Variants in TMC3 observed in about 807,000 individuals in gnomAD.
TMC3 encodes the protein transmembrane channel-like protein 3.
A neutral mutation model predicts 110.6 loss-of-function variants in TMC3; 98 were observed. The observed-to-expected ratio is 0.89, with a 90% confidence interval of 0.75 to 1.05. The LOEUF is 1.05. Ranked by LOEUF, TMC3 falls within the 50% of genes least tolerant of loss-of-function variation. The pLI is 0.00. For missense variants in TMC3, 1,319 were observed against 1,373.2 expected, an observed-to-expected ratio of 0.96 and a Z score of 0.62; for synonymous variants, 489 against 513.1, an observed-to-expected ratio of 0.95 and a Z score of 0.63.
At chr15:81,371,586 C>G (rs915528457) in intron 2 of TMC3, among the ~76,000 whole-genome samples, 4 of 152,230 alleles carry the variant, frequency 2.6e-5, no homozygotes, top group African/African-American at 7.2e-5. Flanking sequence ...GAAGGCAACT[C>G]TGCTAACTCC....
intron 16 of TMC3, among the ~76,000 whole-genome samples, chr15:81,340,038 G>A (rs4362348): frequency 0.035 from 5,323 of 152,290 alleles, 140 homozygotes; most frequent in East Asian, 0.15. Flanking sequence ...ACCTGATTAA[G>A]CCCCGGTCCC....
Position 81,338,643 on chromosome 15 carries a change from T to C in TMC3, c.2081+12A>G. 6.2e-7 allele frequency: 1 copy of C among 1,613,564 alleles called. No homozygotes were observed. Among genetic ancestry groups the C allele is most frequent in the Non-Finnish European group, 8.5e-7 (1 of 1,179,720 alleles). On this transcript the variant is annotated intron_variant, in intron 18 of 21. Coordinates refer to ENST00000359440, the MANE Select transcript of TMC3 (RefSeq NM_001080532.3). ...CAGAAGTCCCTCCAAAGCTGGCAGG[T>C]GTGGTACTCACAAAAGCAGGAGTAC...
rs1893736721 is a variant in TMC3, at chr15:81,342,550, C to T, written c.1715+728G>A. The stretch of plus-strand genomic sequence containing the variant: ...ATACTGTATTTGTAAAGATATTTTG[C>T]AAAATACAGTGGCTCTAAGAATTTG... On this transcript the variant is annotated intron_variant, in intron 15 of 21. Transcript: ENST00000359440. Among the ~76,000 whole-genome samples, 3 of 152,154 alleles carry T rather than the reference C, an allele frequency of 2.0e-5. No individual in the cohort carries two copies. In the South Asian group the frequency reaches 6.2e-4, roughly 32 times the overall value.
chr15:81,345,085 G>C, intron 12 of TMC3, 74 bp from the exon 13 acceptor site: 1 of 1,516,656 alleles, frequency 6.6e-7, no homozygotes, highest in Non-Finnish European at 8.8e-7. Context: ...TTGTAAATGA[G>C]AATCCATCAT....
chr15:81,344,736 A>G, intron 13 of TMC3, 30 bp downstream of exon 13: 1 of 1,608,946 alleles, frequency 6.2e-7, no homozygotes, highest in African/African-American at 1.3e-5. Context: ...GATGGATATG[A>G]CAGAGCTTTG....
rs8031046 is a variant in TMC3 at position 81,332,687 on chromosome 15, C to T, written c.3035G>A (p.Arg1012Lys). ...TTGGAAATTCCGGGATCGTGGCTTTCTGGGCACATAGGCTGGCCTCTCAAG... is the reference window on the plus strand; with the variant it reads ...TTGGAAATTCCGGGATCGTGGCTTTTTGGGCACATAGGCTGGCCTCTCAAG... ...GHLERPAYVP[R>K]KPRSRNFQYP... The change falls in exon 22 of 22, where the codon AGA becomes AAA. Residue 1012 changes from arginine (R) to lysine (K), a missense_variant. By Grantham distance (26) the Arg-to-Lys change is conservative. Transcript: ENST00000359440. 0.072 allele frequency: 116,236 copies of T among 1,613,774 alleles called. 9,826 individuals carry two copies. Among genetic ancestry groups the T allele is most frequent in the African/African-American group, 0.43 (32,499 of 74,860 alleles).
In TMC3 at chr15:81,343,270, A is replaced by T; in HGVS notation, c.1715+8T>A. On this transcript the variant is annotated splice_region_variant and intron_variant, in intron 15 of 21. Transcript: ENST00000359440. ...TAAGCAAAGGCAAGAAGAAACTTTG[A>T]TACCTACCAAATCATTCCTTGGTTG... 1 of 1,592,158 alleles carries T rather than the reference A, an allele frequency of 6.3e-7. No homozygotes were observed. Among genetic ancestry groups the T allele is most frequent in the Non-Finnish European group, 8.6e-7 (1 of 1,160,018 alleles).
chr15:81,365,986 T>TATGTATGTATACATTTATCATTATAC (rs1301897644), intron 3 of TMC3, among the ~76,000 whole-genome samples: 1 of 152,196 alleles, frequency 6.6e-6, no homozygotes, highest in Non-Finnish European at 1.5e-5. Flanking sequence ...TATACATACA[T>TATGTATGTATACATTTATCATTATAC]ATGTATGTAT....
chr15:81,344,165 T>C lies in TMC3; in HGVS notation c.1519-120A>G, dbSNP rs1381073478. On this transcript the variant is annotated intron_variant, in intron 13 of 21. Coordinates refer to ENST00000359440, the MANE Select transcript of TMC3 (RefSeq NM_001080532.3). Reference sequence around the variant, plus strand: ...GGCCCCAGCCAGTGGGCCCCTCCAATGGCATCTTCATTTCTCATCTTTGTA... The same window carrying C: ...GGCCCCAGCCAGTGGGCCCCTCCAACGGCATCTTCATTTCTCATCTTTGTA... 1.4e-5 allele frequency: 14 copies of C among 1,016,964 alleles called. No homozygotes were observed. In the Admixed American group the frequency reaches 2.8e-4, roughly 20 times the overall value. The allele number at this position is 1,016,964 out of a possible 1,614,324, so 63.0% of individuals were successfully genotyped here.
rs371870349 is a variant in TMC3, at chr15:81,345,029, G to C, written c.1273-18C>G. On this transcript the variant is annotated intron_variant, in intron 12 of 21. Transcript: ENST00000359440. The stretch of plus-strand genomic sequence containing the variant: ...GCCATTTCCTGGGGAGAGAGAGAGA[G>C]AGAGAGAGGGAAGCAGGGGAGAAAG... The C allele has an allele frequency of 2.5e-4, 396 of 1,555,270 alleles. No individual in the cohort carries two copies. In the African/African-American group the frequency reaches 4.7e-3, roughly 18 times the overall value.
intron 3 of TMC3, among the ~76,000 whole-genome samples, chr15:81,364,713 AT>A (rs1403874154): frequency 0.019 from 2,703 of 145,902 alleles, 35 homozygotes; most frequent in Middle Eastern, 0.051. Flanking sequence ...AAAAAAAAAA[AT>A]AAAAAATAAA....
chr15:81,346,693 T>G (rs148773849), intron 11 of TMC3, among the ~76,000 whole-genome samples: 1 of 152,326 alleles, frequency 6.6e-6, no homozygotes, highest in African/African-American at 2.4e-5. Context: ...CATCCTTGGA[T>G]CTGTACTTTA....
intron 4 of TMC3, among the ~76,000 whole-genome samples, chr15:81,361,587 G>A (rs1300307190): frequency 6.6e-6 from 1 of 151,780 alleles, no homozygotes; most frequent in Non-Finnish European, 1.5e-5. Flanking sequence ...TGATCATTTT[G>A]TTAAATACTT....
At position 81,333,054 on chromosome 15, in the gene TMC3, T is replaced by C; in HGVS notation, c.2668A>G (p.Ile890Val). 6.2e-7 allele frequency: 1 copy of C among 1,614,006 alleles called. No homozygotes were observed. Among genetic ancestry groups the C allele is most frequent in the Non-Finnish European group, 8.5e-7 (1 of 1,179,886 alleles). ...PRPHAPRYYV[I>V]NECDSYKKKH... is the part of the protein sequence containing the mutation. Reference sequence around the variant, plus strand: ...TTCTTGTAAGAGTCACATTCATTAATGACATAGTATCTGGGGGCGTGGGGC... The same window carrying C: ...TTCTTGTAAGAGTCACATTCATTAACGACATAGTATCTGGGGGCGTGGGGC... Residue 890 changes from isoleucine (I) to valine (V), a missense_variant, in exon 22 of 22, where the codon ATT becomes GTT. Physicochemically the swap from Ile to Val is conservative, Grantham distance 29 (BLOSUM62 3). Coordinates refer to ENST00000359440, the MANE Select transcript of TMC3 (RefSeq NM_001080532.3).
rs1388320491 is a variant in TMC3 at position 81,334,809 on chromosome 15, G to A, written c.2370C>T (p.Ser790=). Residue 790 remains serine, a synonymous_variant, in exon 21 of 22, where the codon TCC becomes TCT. Coordinates refer to ENST00000359440, the MANE Select transcript of TMC3 (RefSeq NM_001080532.3). ...CCCCTGGCCTCGGGCTCTGGGGCAT[G>A]GACTGTGCGACTGTCTCTATCCTGC... The part of the protein sequence containing the change: ...KSGRIETVAQ[S]MPQSPRPGDR... The A allele has an allele frequency of 6.2e-7, 1 of 1,613,890 alleles. No homozygotes were observed. The highest frequency in any genetic ancestry group is 1.3e-5 in the African/African-American group (1 of 74,916).
At chr15:81,350,107 T>G (rs1391159587) in intron 10 of TMC3, among the ~76,000 whole-genome samples, 1 of 148,056 alleles carries the variant, frequency 6.8e-6, no homozygotes. Flanking sequence ...AAGTGGCACA[T>G]GCCTATGGTC....
In TMC3 at chr15:81,358,485, G is replaced by A. The variant is rs761923095; in HGVS notation, c.517C>T (p.Pro173Ser). 6.2e-7 allele frequency: 1 copy of A among 1,612,004 alleles called. No individual in the cohort carries two copies. Among genetic ancestry groups the A allele is most frequent in the South Asian group, 1.1e-5 (1 of 90,802 alleles). ...IVIPELIAGQ[P>S]FGSTARKTIP... ...GTCTTCCTGGCTGTGCTTCCAAAGG[G>A]CTGGCCTGCAATCAGCTGGTGAGAG... Residue 173 changes from proline (P) to serine (S), a missense_variant, in exon 6 of 22, where the codon CCC (proline) becomes TCC (serine). Physicochemically the swap from Pro to Ser is moderately conservative, Grantham distance 74. Transcript: ENST00000359440.
intron 3 of TMC3, among the ~76,000 whole-genome samples, chr15:81,366,006 A>G (rs1228355284): frequency 6.6e-6 from 1 of 152,184 alleles, no homozygotes; most frequent in Non-Finnish European, 1.5e-5. Flanking sequence ...TACATTTATC[A>G]TTATACATGT....
intron 13 of TMC3, 30 bp from the exon 14 acceptor site, chr15:81,344,075 C>T: frequency 6.3e-7 from 1 of 1,593,630 alleles, no homozygotes; most frequent in Non-Finnish European, 8.5e-7. Flanking sequence ...TGGATGCCAC[C>T]ATGCCCCACC....
Sources: gnomAD v4.1 joint callset for allele counts (sites outside exome capture counted in the v4.1 genomes callset) on GRCh38, gnomAD v4.1.1 for gene constraint, MANE v1.5 for transcripts, NCBI Gene and HGNC (gene_info 2026-07-23, HGNC 2026-07-21) for gene names.